TP53INP2: variants seen among roughly 807,000 people sequenced by gnomAD.
TP53INP2 encodes the protein tumor protein p53-inducible nuclear protein 2.
TP53INP2 carries 12 observed loss-of-function variants against 17.1 expected under a neutral mutation model. The observed-to-expected ratio is 0.70, with a 90% CI of 0.45 to 1.14. The LOEUF (loss-of-function observed/expected upper bound fraction) is 1.14, where lower values mean the gene tolerates loss of function less well. TP53INP2 is among the 50% of genes most tolerant of loss of function. The pLI, the probability that TP53INP2 is intolerant of heterozygous loss-of-function variation, is 0.00. For synonymous variants in TP53INP2, 145 were observed against 147.3 expected (o/e 0.98, Z 0.12); for missense variants, 342 against 330.9 (o/e 1.03, Z -0.26).
chr20:34,705,770 TG>T (rs1183567553), intron 2 of TP53INP2, among the ~76,000 whole-genome samples: 1 of 152,078 alleles, frequency 6.6e-6, no homozygotes, highest in African/African-American at 2.4e-5. Context: ...AAGGATGGGC[TG>T]GGGGTAGGGG....
Position 34,710,006 on chromosome 20 carries a change from G to GCC in TP53INP2, c.414-52_414-51insCC, listed in dbSNP as rs369052205. On this transcript the variant is annotated intron_variant, in intron 4 of 4. Transcript: ENST00000374810. The surrounding 1 kb of genome is among the most constrained non-coding windows in gnomAD (Gnocchi z 4.9). ...GGGTGGGAGATGGCAGCGCCCTCTA[G>GCC]ACCCCCCGCCCAGCTTACCCGGCTT... The GCC allele has an allele frequency of 0.34, 421,999 of 1,235,530 alleles. 78,192 individuals carry two copies. The highest frequency in any genetic ancestry group is 0.37 in the Non-Finnish European group (357,931 of 977,556). The allele number at this position is 1,235,530 out of a possible 1,614,324, so 76.5% of individuals were successfully genotyped here.
At position 34,709,105 on chromosome 20, in the gene TP53INP2, C is replaced by G. The variant is rs114804317; in HGVS notation, c.125-131C>G. 2.1e-6 allele frequency: 3 copies of G among 1,437,518 alleles called. No homozygotes were observed. The highest frequency in any genetic ancestry group is 2.7e-6 in the Non-Finnish European group (3 of 1,099,204). 89.0% of individuals were successfully genotyped at this position (1,437,518 alleles called of 1,614,324 possible). A position where few individuals can be genotyped will look rare whatever the true frequency, so the allele number is the denominator to read the frequency against. ...GGCCCGTGGGTGCCCCGGGGCGCTGCGGACGGGCTGCGGGTCTGACTAACG... is the reference window on the plus strand; with the variant it reads ...GGCCCGTGGGTGCCCCGGGGCGCTGGGGACGGGCTGCGGGTCTGACTAACG... On this transcript the variant is annotated intron_variant, in intron 3 of 4. Coordinates refer to ENST00000374810, the MANE Select transcript of TP53INP2 (RefSeq NM_021202.3). This position sits in a 1 kb window ranked among gnomAD's most constrained non-coding sequence, Gnocchi z 5.4.
chr20:34,708,334 C>T (rs998973660), intron 2 of TP53INP2, among the ~76,000 whole-genome samples: 5 of 152,038 alleles, frequency 3.3e-5, no homozygotes, highest in African/African-American at 1.2e-4. Context: ...CTTTTTTTCT[C>T]ATTCAATAAC....
chr20:34,709,732 G>T lies in TP53INP2; in HGVS notation c.413+208G>T, dbSNP rs545064246. Among the ~76,000 whole-genome samples the T allele has an allele frequency of 3.6e-4, 55 of 152,260 alleles. No individual in the cohort carries two copies. The highest frequency in any genetic ancestry group is 1.3e-3 in the African/African-American group (54 of 41,558). ...GCGGGCCTGAGGACGGAGGGGCGGGGCTTGAGAGGGAGGGGCGTGGCCAAG... is the reference window on the plus strand; with the variant it reads ...GCGGGCCTGAGGACGGAGGGGCGGGTCTTGAGAGGGAGGGGCGTGGCCAAG... On this transcript the variant is annotated intron_variant, in intron 4 of 4. Transcript: ENST00000374810. This position sits in a 1 kb window ranked among gnomAD's most constrained non-coding sequence, Gnocchi z 5.4.
chr20:34,706,041 T>C (rs930336807), intron 2 of TP53INP2, among the ~76,000 whole-genome samples: 3 of 152,080 alleles, frequency 2.0e-5, no homozygotes, highest in Admixed American at 6.5e-5. Flanking sequence ...CCTAAACCTA[T>C]CTGAAATTTG....
rs948213141 is a variant in TP53INP2, at chr20:34,710,000, C to T, written c.414-58C>T. On this transcript the variant is annotated intron_variant, in intron 4 of 4. Coordinates refer to ENST00000374810, the MANE Select transcript of TP53INP2 (RefSeq NM_021202.3). This position sits in a 1 kb window ranked among gnomAD's most constrained non-coding sequence, Gnocchi z 5.4. ...AAGCAAGGGTGGGAGATGGCAGCGCCCTCTAGACCCCCCGCCCAGCTTACC... is the reference window on the plus strand; with the variant it reads ...AAGCAAGGGTGGGAGATGGCAGCGCTCTCTAGACCCCCCGCCCAGCTTACC... 8 of 945,082 alleles carry T rather than the reference C, an allele frequency of 8.5e-6. No individual in the cohort carries two copies. In the African/African-American group the frequency reaches 1.7e-4, roughly 21 times the overall value. 58.5% of individuals were successfully genotyped at this position (945,082 alleles called of 1,614,324 possible). A position where few individuals can be genotyped will look rare whatever the true frequency, so the allele number is the denominator to read the frequency against.
Position 34,708,697 on chromosome 20 carries a change from G to A in TP53INP2, c.-43G>A. ...ACGTCCTTCTGATTCCCAGGTTTTT[G>A]CACTGCCATAGGGCGCCCCCGTGAG... On this transcript the variant is annotated 5_prime_UTR_variant, in exon 3 of 5. Transcript: ENST00000374810. 1.9e-6 allele frequency: 3 copies of A among 1,544,476 alleles called. No individual in the cohort carries two copies. The highest frequency in any genetic ancestry group is 2.6e-6 in the Non-Finnish European group (3 of 1,147,996).
chr20:34,708,513 T>TAA (rs984762178), intron 2 of TP53INP2, among the ~76,000 whole-genome samples, 178 bp from the exon 3 acceptor site: 1 of 147,660 alleles, frequency 6.8e-6, no homozygotes, highest in African/African-American at 2.5e-5. Flanking sequence ...ATACAGAAGA[T>TAA]AAAAAAAAAA....
In TP53INP2 at chr20:34,708,754, C is replaced by T. The variant is rs1423704619; in HGVS notation, c.15C>T (p.Leu5=). 6.3e-7 allele frequency: 1 copy of T among 1,583,564 alleles called. No individual in the cohort carries two copies. Among genetic ancestry groups the T allele is most frequent in the Non-Finnish European group, 8.6e-7 (1 of 1,164,880 alleles). ...CGCCCCCCACCATGTTCCAGCGCCT[C>T]TCCAGCCTCTTCTTCAGCACCCCCT... is the stretch of plus-strand genomic sequence containing the variant. The part of the protein sequence containing the change: MFQR[L]SSLFFSTPSP... The change falls in exon 3 of 5, where the codon CTC becomes CTT. Residue 5 remains leucine, a synonymous_variant. Transcript: ENST00000374810.
chr20:34,707,104 G>T (rs950206502), intron 2 of TP53INP2, among the ~76,000 whole-genome samples: 2 of 152,110 alleles, frequency 1.3e-5, no homozygotes, highest in Non-Finnish European at 2.9e-5. Context: ...GGCTTACCTC[G>T]GTCTGGGTCC....
Position 34,712,624 on chromosome 20 carries a change from T to G in TP53INP2, c.*2317T>G, listed in dbSNP as rs1170188774. On this transcript the variant is annotated 3_prime_UTR_variant, in exon 5 of 5. Coordinates refer to ENST00000374810, the MANE Select transcript of TP53INP2 (RefSeq NM_021202.3). Reference sequence around the variant, plus strand: ...CCCTTGTCATACTGTATTGACTGTGTACGTGCCTTTCACCTTGAGCATGCT... The same window carrying G: ...CCCTTGTCATACTGTATTGACTGTGGACGTGCCTTTCACCTTGAGCATGCT... 1 of 152,632 alleles carries G rather than the reference T, an allele frequency of 6.6e-6. No homozygotes were observed. The allele number at this position is 152,632 out of a possible 1,614,324, so 9.5% of individuals were successfully genotyped here. A position where few individuals can be genotyped will look rare whatever the true frequency, so the allele number is the denominator to read the frequency against.
At chr20:34,705,204 CAGAT>C (rs983655333) in intron 1 of TP53INP2, among the ~76,000 whole-genome samples, 150 bp from the exon 2 acceptor site, 22 of 152,204 alleles carry the variant, frequency 1.4e-4, no homozygotes, top group African/African-American at 5.3e-4. Context: ...CACTGAGTGA[CAGAT>C]GGATTATTAG....
At chr20:34,704,564 T>TGCGCCCCCC (rs1429980029) in intron 1 of TP53INP2, 52 bp downstream of exon 1, 2 of 151,880 alleles carry the variant, frequency 1.3e-5, no homozygotes, top group Non-Finnish European at 2.9e-5. Flanking sequence ...GGACACGCCC[T>TGCGCCCCCC]GCGCCCCCCG....
intron 1 of TP53INP2, among the ~76,000 whole-genome samples, chr20:34,705,026 A>G (rs1426099925): frequency 1.3e-5 from 2 of 152,164 alleles, no homozygotes; most frequent in Non-Finnish European, 2.9e-5. Context: ...GCCCCCAGGG[A>G]CTAACAGAAT....
In TP53INP2 at chr20:34,709,680, C is replaced by T. The variant is rs761119667; in HGVS notation, c.413+156C>T. Among the ~76,000 whole-genome samples, 1 of 152,120 alleles carries T rather than the reference C, an allele frequency of 6.6e-6. No individual in the cohort carries two copies. The highest frequency in any genetic ancestry group is 2.0e-4 in the East Asian group (1 of 5,122). Reference sequence around the variant, plus strand: ...GTTGCCTTTGAGACAAAGTGGGGGGCCGGTGGGCCTCCGGGCGAGGCTAGA... The same window carrying T: ...GTTGCCTTTGAGACAAAGTGGGGGGTCGGTGGGCCTCCGGGCGAGGCTAGA... On this transcript the variant is annotated intron_variant, in intron 4 of 4. Transcript: ENST00000374810. The surrounding 1 kb of genome is among the most constrained non-coding windows in gnomAD (Gnocchi z 5.4).
chr20:34,704,836 C>G (rs1294194354), intron 1 of TP53INP2: 1 of 152,278 alleles, frequency 6.6e-6, no homozygotes, highest in African/African-American at 2.4e-5. Flanking sequence ...CTAGGCTTAT[C>G]CAGGGGCTGG....
At chr20:34,708,919 T>C in intron 3 of TP53INP2, 56 bp downstream of exon 3, 1 of 1,585,148 alleles carries the variant, frequency 6.3e-7, no homozygotes, top group South Asian at 1.1e-5. Context: ...GCAGATGGCC[T>C]AGCAGCGGAG....
In TP53INP2 at chr20:34,710,260, C is replaced by T; in HGVS notation, c.616C>T (p.Gln206Ter). ...RESRPRRSKN[Q>*]SSFIYQPCQR... ...GAGCCGTCCGCGCCGGTCCAAGAAC[C>T]AGAGCAGCTTCATCTACCAGCCGTG... Residue 206 changes from glutamine (Q) to a stop codon, truncating the protein, a stop_gained, in exon 5 of 5, where the codon CAG (glutamine) becomes TAG (stop). Coordinates refer to ENST00000374810, the MANE Select transcript of TP53INP2 (RefSeq NM_021202.3). LOFTEE classifies it high-confidence loss of function. The surrounding 1 kb of genome is among the most constrained non-coding windows in gnomAD (Gnocchi z 4.9). The T allele has an allele frequency of 6.8e-7, 1 of 1,469,008 alleles. No individual in the cohort carries two copies. The highest frequency in any genetic ancestry group is 1.4e-5 in the South Asian group (1 of 72,844). 91.0% of individuals were successfully genotyped at this position (1,469,008 alleles called of 1,614,324 possible).
chr20:34,706,549 A>G (rs6060001), intron 2 of TP53INP2, among the ~76,000 whole-genome samples: 81,962 of 151,974 alleles, frequency 0.54, 24,054 homozygotes, highest in African/African-American at 0.78. Flanking sequence ...GTTGGGATAC[A>G]TGAATTGTGC....
Sources: gnomAD v4.1 joint callset for allele counts (sites outside exome capture counted in the v4.1 genomes callset) on GRCh38, gnomAD v4.1.1 for gene constraint, Gnocchi (gnomAD v3.1) non-coding constraint, MANE v1.5 for transcripts, NCBI Gene and HGNC (gene_info 2026-07-23, HGNC 2026-07-21) for gene names.